The following SHISA9 variants were observed in gnomAD, a reference collection of about 807,000 sequenced individuals.
SHISA9 encodes shisa family member 9, also known as protein shisa-9.
In SHISA9, 13 loss-of-function variants were observed where a neutral mutation model predicts 38.0. The ratio of observed to expected loss-of-function variants is 0.34; its 90% confidence interval spans 0.22 to 0.54. The LOEUF is 0.54. Among genes scored for constraint, SHISA9 ranks in the 20% least tolerant of loss-of-function variants. The probability of loss-of-function intolerance (pLI) is 0.91; values close to 1 mark genes in which losing one functional copy is unlikely to be tolerated. For synonymous variants in SHISA9, 275 were observed against 242.0 expected (o/e 1.14, Z -1.27); for missense variants, 538 against 575.8 (o/e 0.93, Z 0.67).
intron 2 of SHISA9, among the ~76,000 whole-genome samples, chr16:13,106,090 A>C (rs1307079569): frequency 1.3e-5 from 2 of 152,172 alleles, no homozygotes; most frequent in Non-Finnish European, 2.9e-5. Context: ...AGAGAGATCA[A>C]ATAACTTGCT....
the SHISA9 span, among the ~76,000 whole-genome samples, chr16:13,282,622 C>T: frequency 6.6e-6 from 1 of 152,176 alleles, no homozygotes; most frequent in Non-Finnish European, 1.5e-5. Flanking sequence ...ACTTCAACTA[C>T]ATGTATGTCA....
chr16:12,909,615 G>T (rs1322624144), intron 1 of SHISA9: 1 of 985,198 alleles, frequency 1.0e-6, no homozygotes, highest in South Asian at 4.7e-5. Context: ...TGTGTGGCTG[G>T]TCCCTCCTCA....
intron 2 of SHISA9, among the ~76,000 whole-genome samples, chr16:13,148,279 TCCA>T (rs2050465560): frequency 6.6e-6 from 1 of 152,034 alleles, no homozygotes; most frequent in African/African-American, 2.4e-5. Flanking sequence ...GTGAAGTATG[TCCA>T]CCACACACTC....
intron 2 of SHISA9, among the ~76,000 whole-genome samples, chr16:13,155,001 A>G (rs897996713): frequency 7.2e-5 from 11 of 152,316 alleles, no homozygotes; most frequent in African/African-American, 2.6e-4. Context: ...TGATGATGAA[A>G]TACTTCCTGT....
the SHISA9 span, among the ~76,000 whole-genome samples, chr16:13,315,340 C>T: frequency 6.6e-5 from 10 of 152,178 alleles, no homozygotes; most frequent in Non-Finnish European, 1.2e-4. Flanking sequence ...TGTCAAAGGA[C>T]GTAGCATAGT....
chr16:13,230,110 G>C (rs1052968245), intron 4 of SHISA9, among the ~76,000 whole-genome samples: 2 of 152,194 alleles, frequency 1.3e-5, no homozygotes, highest in Non-Finnish European at 2.9e-5. Context: ...GGTGGAAGAA[G>C]GAAAGAGAGG....
chr16:13,375,745 C>T, the SHISA9 span, among the ~76,000 whole-genome samples: 3 of 152,116 alleles, frequency 2.0e-5, no homozygotes, highest in Non-Finnish European at 4.4e-5. Context: ...AACACTACAA[C>T]ACATCACTGA....
chr16:13,219,915 G>A (rs994058354), intron 4 of SHISA9, among the ~76,000 whole-genome samples: 1 of 152,028 alleles, frequency 6.6e-6, no homozygotes, highest in African/African-American at 2.4e-5. Context: ...CCAAGATCAC[G>A]CCACTGCACT....
At chr16:12,943,320 TGTGTGTGTGTGAGAGAGAGA>T (rs2071642494) in intron 2 of SHISA9, among the ~76,000 whole-genome samples, 3 of 23,656 alleles carry the variant, frequency 1.3e-4, no homozygotes, top group African/African-American at 4.3e-4. Context: ...TGTGTGTGTG[TGTGTGTGTGTGAGAGAGAGA>T]GAGAGAGAGA....
intron 2 of SHISA9, among the ~76,000 whole-genome samples, chr16:13,093,709 C>T (rs942923029): frequency 1.3e-5 from 2 of 152,224 alleles, no homozygotes; most frequent in Admixed American, 1.3e-4. Context: ...CCTCAGGAGT[C>T]TGGTATTTCG....
chr16:13,475,590 G>A, the SHISA9 span, among the ~76,000 whole-genome samples: 19 of 152,246 alleles, frequency 1.2e-4, no homozygotes, highest in African/African-American at 4.3e-4. Context: ...ACCAGGGACC[G>A]GTTTCATGGA....
intron 2 of SHISA9, among the ~76,000 whole-genome samples, chr16:13,051,984 C>A (rs1262696621): frequency 6.6e-6 from 1 of 152,074 alleles, no homozygotes; most frequent in African/African-American, 2.4e-5. Flanking sequence ...AGGCTGGTCT[C>A]GAACTCCTGA....
chr16:13,146,020 T>C (rs1334402476), intron 2 of SHISA9, among the ~76,000 whole-genome samples: 1 of 152,224 alleles, frequency 6.6e-6, no homozygotes, highest in Non-Finnish European at 1.5e-5. Context: ...AAACCCTGTC[T>C]TTACTAAAGA....
At chr16:13,142,509 A>T (rs1032489497) in intron 2 of SHISA9, among the ~76,000 whole-genome samples, 24 of 152,136 alleles carry the variant, frequency 1.6e-4, no homozygotes, top group African/African-American at 5.8e-4. Context: ...AGTAAGTAAG[A>T]ACCGGTAGTC....
chr16:13,552,533 C>T, the SHISA9 span, among the ~76,000 whole-genome samples: 3 of 151,386 alleles, frequency 2.0e-5, no homozygotes, highest in East Asian at 2.0e-4. Context: ...TGATTTCATC[C>T]CTGCAACAAC....
the SHISA9 span, among the ~76,000 whole-genome samples, chr16:13,392,262 T>A: frequency 6.6e-6 from 1 of 152,204 alleles, no homozygotes; most frequent in South Asian, 2.1e-4. Context: ...TGTGATTAGT[T>A]AAGATAAGGC....
chr16:13,467,231 G>A, the SHISA9 span, among the ~76,000 whole-genome samples: 1 of 152,144 alleles, frequency 6.6e-6, no homozygotes, highest in African/African-American at 2.4e-5. Context: ...CGCCTTCTAT[G>A]TGGGGGGGTA....
the SHISA9 span, among the ~76,000 whole-genome samples, chr16:13,353,983 T>A: frequency 6.6e-6 from 1 of 151,156 alleles, no homozygotes; most frequent in Non-Finnish European, 1.5e-5. Flanking sequence ...TGCGGTGGCC[T>A]TCTCACACCC....
At chr16:13,428,839 C>T in the SHISA9 span, among the ~76,000 whole-genome samples, 4 of 150,578 alleles carry the variant, frequency 2.7e-5, no homozygotes, top group Non-Finnish European at 4.4e-5. Flanking sequence ...TGTGATCACT[C>T]ACTACAACCT....
Sources: gnomAD v4.1 joint callset for allele counts (sites outside exome capture counted in the v4.1 genomes callset) on GRCh38, gnomAD v4.1.1 for gene constraint, MANE v1.5 for transcripts, NCBI Gene and HGNC (gene_info 2026-07-23, HGNC 2026-07-21) for gene names.